The following ARL9 variants were observed in gnomAD, a reference collection of about 807,000 sequenced individuals.
ARL9 encodes ADP-ribosylation factor-like protein 9.
ARL9 carries 14 observed loss-of-function variants against 27.0 expected under a neutral mutation model. The observed-to-expected ratio is 0.52, with a 90% CI of 0.34 to 0.81. The LOEUF (loss-of-function observed/expected upper bound fraction) is 0.81, where lower values mean the gene tolerates loss of function less well. ARL9 is among the 30% of genes least tolerant of loss of function. The probability of loss-of-function intolerance (pLI) is 0.01; values close to 1 mark genes in which losing one functional copy is unlikely to be tolerated. For missense variants in ARL9, 294 were observed against 290.0 expected (o/e 1.01, Z -0.10); for synonymous variants, 106 against 108.7 (o/e 0.98, Z 0.15).
chr4:56,505,911 G>A lies in ARL9; in HGVS notation c.49G>A (p.Glu17Lys), dbSNP rs6841856. 1,224,005 of 1,245,754 alleles carry A rather than the reference G, an allele frequency of 0.98. 601,336 individuals carry two copies. The highest frequency in any genetic ancestry group is 1 in the East Asian group (31,919 of 31,928). 77.2% of individuals were successfully genotyped at this position (1,245,754 alleles called of 1,614,324 possible). Residue 17 changes from glutamate (E) to lysine (K), a missense_variant, in exon 1 of 4, where the codon GAG (glutamate) becomes AAG (lysine). Transcript: ENST00000640821. ...GAAAGAGAAGGAAAAGGAGACGCAG[G>A]AGGAGAAAATCGGAGAAAAGGGTAG... The part of the protein sequence containing the change: ...KKKEKEKETQ[E>K]EKIGEKGREE...
intron 3 of ARL9, among the ~76,000 whole-genome samples, chr4:56,523,178 G>A (rs1228559585): frequency 2.0e-5 from 3 of 152,148 alleles, no homozygotes; most frequent in African/African-American, 7.2e-5. Context: ...TTGAGGCCAG[G>A]AGTTTGACAC....
intron 1 of ARL9, among the ~76,000 whole-genome samples, chr4:56,506,431 C>T (rs1721461879): frequency 6.6e-6 from 1 of 152,100 alleles, no homozygotes; most frequent in South Asian, 2.1e-4. Flanking sequence ...ACATGGGGAA[C>T]GGCCCCTCTA....
intron 1 of ARL9, 49 bp downstream of exon 1, chr4:56,506,190 C>T (rs769167988): frequency 1.5e-5 from 18 of 1,232,324 alleles, no homozygotes; most frequent in Middle Eastern, 3.1e-4. Context: ...TTTTGTCGGC[C>T]GTTCAGACCC....
Position 56,524,056 on chromosome 4 carries a change from T to A in ARL9, c.*180T>A, listed in dbSNP as rs1485802430. The A allele has an allele frequency of 8.4e-6, 4 of 478,534 alleles. No individual in the cohort carries two copies. The highest frequency in any genetic ancestry group is 3.6e-6 in the Non-Finnish European group (1 of 280,752). 29.6% of individuals were successfully genotyped at this position (478,534 alleles called of 1,614,324 possible). A position where few individuals can be genotyped will look rare whatever the true frequency, so the allele number is the denominator to read the frequency against. ...GTTCCACATCTGGGGATTCAAGAAC[T>A]GTGGATCCAAAACATTCAAAAAGTA... On this transcript the variant is annotated 3_prime_UTR_variant, in exon 4 of 4. Coordinates refer to ENST00000640821, the MANE Select transcript of ARL9 (RefSeq NM_001363794.2).
intron 2 of ARL9, among the ~76,000 whole-genome samples, chr4:56,514,017 A>G (rs532225977): frequency 6.6e-6 from 1 of 152,246 alleles, no homozygotes; most frequent in East Asian, 1.9e-4. Flanking sequence ...AAAAAATATA[A>G]AAAATGAGCT....
Position 56,522,467 on chromosome 4 carries a change from A to G in ARL9, c.619-1230A>G, listed in dbSNP as rs1202553218. Among the ~76,000 whole-genome samples the G allele has an allele frequency of 3.3e-5, 5 of 152,140 alleles. No individual in the cohort carries two copies. In the East Asian group the frequency reaches 9.7e-4, roughly 30 times the overall value. ...ATACAGGAAAAAAAAAAGACACAATATTAGGTTATTTCCAGAGATTTAAAA... is the reference window on the plus strand; with the variant it reads ...ATACAGGAAAAAAAAAAGACACAATGTTAGGTTATTTCCAGAGATTTAAAA... On this transcript the variant is annotated intron_variant, in intron 3 of 3. Transcript: ENST00000640821.
intron 1 of ARL9, among the ~76,000 whole-genome samples, chr4:56,510,354 C>CAAAAAAAAAA (rs769085578): frequency 8.0e-5 from 6 of 75,140 alleles, no homozygotes; most frequent in South Asian, 4.1e-4. Flanking sequence ...GACTCCAACT[C>CAAAAAAAAAA]AAAAAAAAAA....
chr4:56,508,935 C>A (rs757298084), intron 1 of ARL9, among the ~76,000 whole-genome samples: 7 of 152,132 alleles, frequency 4.6e-5, no homozygotes, highest in Non-Finnish European at 7.3e-5. Flanking sequence ...TCTAAACCAG[C>A]GCCATTGAAG....
Position 56,518,738 on chromosome 4 carries a change from T to C in ARL9, c.503T>C (p.Leu168Pro), listed in dbSNP as rs1721836260. ...WEMYLSKGLLLIFVVDSADHS... is the reference protein window; with the variant it reads ...WEMYLSKGLLPIFVVDSADHS... The stretch of plus-strand genomic sequence containing the variant: ...ATGTACCTATCCAAGGGATTGCTGC[T>C]GATCTTTGTGGTGGATTCAGCAGAT... Residue 168 changes from leucine to proline, a missense_variant, in exon 3 of 4, where the codon CTG becomes CCG. By Grantham distance (98) the Leu-to-Pro change is moderately conservative (BLOSUM62 -3). Coordinates refer to ENST00000640821, the MANE Select transcript of ARL9 (RefSeq NM_001363794.2). 6.2e-7 allele frequency: 1 copy of C among 1,613,906 alleles called. No homozygotes were observed. The highest frequency in any genetic ancestry group is 1.3e-5 in the African/African-American group (1 of 74,948).
intron 3 of ARL9, among the ~76,000 whole-genome samples, chr4:56,522,551 A>G (rs1197898877): frequency 6.6e-6 from 1 of 152,220 alleles, no homozygotes; most frequent in Non-Finnish European, 1.5e-5. Flanking sequence ...CCAATTACAA[A>G]TGCAATTTTA....
chr4:56,511,508 G>C (rs1017794749), intron 2 of ARL9, among the ~76,000 whole-genome samples, 161 bp downstream of exon 2: 2 of 152,162 alleles, frequency 1.3e-5, no homozygotes, highest in Non-Finnish European at 1.5e-5. Flanking sequence ...TACACTGTGG[G>C]GGGAATCACT....
At chr4:56,509,669 G>C (rs1165751444) in intron 1 of ARL9, among the ~76,000 whole-genome samples, 1 of 150,644 alleles carries the variant, frequency 6.6e-6, no homozygotes, top group Non-Finnish European at 1.5e-5. Flanking sequence ...CAGATAGCTG[G>C]GATTACAGGC....
intron 1 of ARL9, among the ~76,000 whole-genome samples, chr4:56,509,292 C>A (rs534014990): frequency 1.2e-4 from 18 of 150,378 alleles, no homozygotes; most frequent in African/African-American, 4.4e-4. Context: ...CTCCACCTCC[C>A]GGGTTCAAGC....
rs568667239 is a variant in ARL9, at chr4:56,505,950, AAAAG to A, written c.93_96del (p.Lys32ArgfsTer53). ...AGAAAAGGGTAGGGAAGAGAAAGTG[AAAAG>A]AAAGGAGGTGGAGCAGAAAATTAAA... is the stretch of plus-strand genomic sequence containing the variant. On this transcript the variant is annotated frameshift_variant, in exon 1 of 4. Coordinates refer to ENST00000640821, the MANE Select transcript of ARL9 (RefSeq NM_001363794.2). LOFTEE classifies it high-confidence loss of function. 2.2e-4 allele frequency: 274 copies of A among 1,222,122 alleles called. No individual in the cohort carries two copies. The African/African-American group carries it at 3.7e-3, about 16-fold the overall frequency. The allele number at this position is 1,222,122 out of a possible 1,614,324, so 75.7% of individuals were successfully genotyped here.
chr4:56,509,652 A>G (rs1721574618), intron 1 of ARL9, among the ~76,000 whole-genome samples: 1 of 149,470 alleles, frequency 6.7e-6, no homozygotes, highest in Non-Finnish European at 1.5e-5. Flanking sequence ...CTCCTGCCTC[A>G]GCCTCCCAGA....
intron 3 of ARL9, among the ~76,000 whole-genome samples, chr4:56,523,333 G>A (rs953123572): frequency 2.6e-5 from 4 of 152,202 alleles, no homozygotes; most frequent in Admixed American, 2.6e-4. Context: ...AGGTTGCGGT[G>A]AGTCAAGATT....
chr4:56,508,327 A>G (rs2110141879), intron 1 of ARL9, among the ~76,000 whole-genome samples: 1 of 152,344 alleles, frequency 6.6e-6, no homozygotes, highest in Non-Finnish European at 1.5e-5. Context: ...ATGAAAATAC[A>G]ATTTAGTTTA....
upstream of ARL9, chr4:56,505,408 C>G (rs764158266): frequency 8.7e-6 from 4 of 457,704 alleles, no homozygotes; most frequent in Non-Finnish European, 1.8e-5. Context: ...GTTCTTCACA[C>G]AGGCTGGCCG....
intron 1 of ARL9, among the ~76,000 whole-genome samples, chr4:56,508,111 A>C (rs1721519514): frequency 6.6e-6 from 1 of 152,172 alleles, no homozygotes; most frequent in Non-Finnish European, 1.5e-5. Context: ...TAGGCTGAAT[A>C]GGGCCTCTGG....
Sources: allele counts gnomAD v4.1 joint callset (sites outside exome capture counted in the v4.1 genomes callset), GRCh38; gene constraint gnomAD v4.1.1; transcripts MANE v1.5; gene names NCBI Gene and HGNC (gene_info 2026-07-23, HGNC 2026-07-21).